Variants in EPB41L4B observed in about 807,000 individuals in gnomAD.
EPB41L4B encodes the protein erythrocyte membrane protein band 4.1 like 4B.
A neutral mutation model predicts 112.5 loss-of-function variants in EPB41L4B; 30 were observed. The ratio of observed to expected loss-of-function variants is 0.27; its 90% confidence interval spans 0.20 to 0.36. The LOEUF (loss-of-function observed/expected upper bound fraction) is 0.36, where lower values mean the gene tolerates loss of function less well. Among genes scored for constraint, EPB41L4B ranks in the 10% least tolerant of loss-of-function variants. The pLI, the probability that EPB41L4B is intolerant of heterozygous loss-of-function variation, is 1.00. For synonymous variants in EPB41L4B, 408 were observed against 439.7 expected (o/e 0.93, Z 0.90); for missense variants, 1,024 against 1,133.3 (o/e 0.90, Z 1.38).
intron 15 of EPB41L4B, among the ~76,000 whole-genome samples, chr9:109,236,909 T>C (rs1439269958): frequency 6.6e-6 from 1 of 152,192 alleles, no homozygotes; most frequent in Non-Finnish European, 1.5e-5. Context: ...TGTAGGGTAT[T>C]TTCCTGGTAC....
chr9:109,319,025 C>A (rs993917791), intron 1 of EPB41L4B, among the ~76,000 whole-genome samples: 1 of 152,288 alleles, frequency 6.6e-6, no homozygotes, highest in South Asian at 2.1e-4. Context: ...CTTGGAAGTC[C>A]GGGTATGTTA....
chr9:109,238,240 A>G (rs1410786566), intron 15 of EPB41L4B, among the ~76,000 whole-genome samples: 2 of 152,134 alleles, frequency 1.3e-5, no homozygotes, highest in African/African-American at 2.4e-5. Context: ...GGGGTTTCCA[A>G]TGTCACGTGG....
At chr9:109,251,248 A>G (rs182215143) in intron 13 of EPB41L4B, among the ~76,000 whole-genome samples, 1 of 152,226 alleles carries the variant, frequency 6.6e-6, no homozygotes, top group African/African-American at 2.4e-5. Flanking sequence ...CAAAGCACAC[A>G]GCTACTCAAA....
At chr9:109,246,573 A>G (rs1482375530) in intron 14 of EPB41L4B, among the ~76,000 whole-genome samples, 2 of 152,242 alleles carry the variant, frequency 1.3e-5, no homozygotes, top group African/African-American at 4.8e-5. Context: ...CAATTATGCA[A>G]TTCCCTGTGA....
At chr9:109,198,993 C>G (rs1466202808) in intron 20 of EPB41L4B, among the ~76,000 whole-genome samples, 1 of 151,920 alleles carries the variant, frequency 6.6e-6, no homozygotes, top group Admixed American at 6.6e-5. Context: ...ACTCACCACC[C>G]TGATTACAGC....
intron 11 of EPB41L4B, 136 bp from the exon 12 acceptor site, chr9:109,253,686 C>T (rs2119017644): frequency 1.1e-5 from 7 of 653,998 alleles, no homozygotes; most frequent in Non-Finnish European, 1.9e-5. Flanking sequence ...GGTAAAGAAA[C>T]ACAAAGTTTA....
intron 19 of EPB41L4B, among the ~76,000 whole-genome samples, chr9:109,203,103 G>A (rs1236303393): frequency 3.9e-5 from 6 of 152,202 alleles, no homozygotes; most frequent in African/African-American, 1.2e-4. Flanking sequence ...GCAGTGAGCC[G>A]AGATCGCACC....
intron 2 of EPB41L4B, 58 bp from the exon 3 acceptor site, chr9:109,268,491 C>G: frequency 6.8e-7 from 1 of 1,470,582 alleles, no homozygotes; most frequent in Non-Finnish European, 9.3e-7. Context: ...TTATTCAGCC[C>G]TCACAGTTAC....
intron 2 of EPB41L4B, among the ~76,000 whole-genome samples, chr9:109,276,431 G>C (rs2119120509): frequency 6.6e-6 from 1 of 152,294 alleles, no homozygotes; most frequent in East Asian, 1.9e-4. Context: ...ATAAGACCCA[G>C]ACTGTAAGGA....
chr9:109,213,552 G>A, intron 17 of EPB41L4B, 148 bp downstream of exon 17: 1 of 664,344 alleles, frequency 1.5e-6, no homozygotes. Flanking sequence ...GCTCCTAAAA[G>A]ACAGCCTGAA....
intron 2 of EPB41L4B, among the ~76,000 whole-genome samples, chr9:109,268,691 G>T (rs1287456776): frequency 6.6e-6 from 1 of 152,002 alleles, no homozygotes; most frequent in Non-Finnish European, 1.5e-5. Flanking sequence ...GAGGTCAGGA[G>T]ATCGAGACCA....
chr9:109,192,324 AG>A lies in EPB41L4B; in HGVS notation c.2254del (p.Leu752TrpfsTer7). 1 of 1,612,578 alleles carries A rather than the reference AG, an allele frequency of 6.2e-7. No homozygotes were observed. Among genetic ancestry groups the A allele is most frequent in the Non-Finnish European group, 8.5e-7 (1 of 1,179,296 alleles). ...ATCCATCAGAAGATCACCCGGCTCC[AG>A]GGTAAAGGCACCTCCTCGGTCAGAG... ...SPSDRGGAFT[L>X]EPGDLLMDFT... is the part of the protein sequence containing the mutation. On this transcript the variant is annotated frameshift_variant, in exon 22 of 26. Coordinates refer to ENST00000374566, the MANE Select transcript of EPB41L4B (RefSeq NM_019114.5). LOFTEE classifies it high-confidence loss of function.
In EPB41L4B at chr9:109,255,737, T is replaced by C. The variant is rs755327785; in HGVS notation, c.999+37A>G. On this transcript the variant is annotated intron_variant, in intron 10 of 25. Transcript: ENST00000374566. The stretch of plus-strand genomic sequence containing the variant: ...GCGTTTGCAACCCCAACACAGGATT[T>C]TCACAGCAAGGGGGAAGAAATGGGA... The C allele has an allele frequency of 3.7e-6, 6 of 1,611,868 alleles. No individual in the cohort carries two copies. The South Asian group carries it at 5.5e-5, about 15-fold the overall frequency.
chr9:109,281,431 A>G (rs571337227), intron 1 of EPB41L4B, among the ~76,000 whole-genome samples: 140 of 152,330 alleles, frequency 9.2e-4, no homozygotes, highest in African/African-American at 3.3e-3. Flanking sequence ...GGCCGGGCAC[A>G]GTGGCTCATG....
At chr9:109,233,965 T>C (rs1390272432) in intron 15 of EPB41L4B, among the ~76,000 whole-genome samples, 1 of 152,198 alleles carries the variant, frequency 6.6e-6, no homozygotes, top group Non-Finnish European at 1.5e-5. Context: ...GGAGCATGAC[T>C]CAAGAATAGG....
intron 1 of EPB41L4B, among the ~76,000 whole-genome samples, chr9:109,295,678 T>C (rs960561865): frequency 1.3e-5 from 2 of 152,122 alleles, no homozygotes; most frequent in South Asian, 4.1e-4. Context: ...GCGACTGTAT[T>C]ATGGACATTA....
Position 109,255,862 on chromosome 9 carries a change from T to C in EPB41L4B, c.930-19A>G. 1 of 1,607,894 alleles carries C rather than the reference T, an allele frequency of 6.2e-7. No individual in the cohort carries two copies. Among genetic ancestry groups the C allele is most frequent in the Non-Finnish European group, 8.5e-7 (1 of 1,177,318 alleles). ...TTTAGGCCTAGTCAGACAGAAAGCA[T>C]TTTAAAAGCACAATCTGCAGTAAAA... On this transcript the variant is annotated intron_variant, in intron 9 of 25. Transcript: ENST00000374566.
rs922515911 is a variant in EPB41L4B at position 109,242,863 on chromosome 9, A to C, written c.1409+755T>G. On this transcript the variant is annotated intron_variant, in intron 15 of 25. Coordinates refer to ENST00000374566, the MANE Select transcript of EPB41L4B (RefSeq NM_019114.5). ...AGCTAGCCTTAAAAAAAAAAAAAAA[A>C]AAACAAAAAACCTGTCAAGCCTAAC... Among the ~76,000 whole-genome samples, 11 of 151,910 alleles carry C rather than the reference A, an allele frequency of 7.2e-5. No individual in the cohort carries two copies. In the South Asian group the frequency reaches 1.5e-3, roughly 20 times the overall value.
At chr9:109,216,794 T>C in intron 16 of EPB41L4B, 128 bp downstream of exon 16, 1 of 959,558 alleles carries the variant, frequency 1.0e-6, no homozygotes, top group Non-Finnish European at 1.6e-6. Context: ...CCAAACCCGG[T>C]AGCCCAGCAT....
Sources: gnomAD v4.1 joint callset for allele counts (sites outside exome capture counted in the v4.1 genomes callset) on GRCh38, gnomAD v4.1.1 for gene constraint, MANE v1.5 for transcripts, NCBI Gene and HGNC (gene_info 2026-07-23, HGNC 2026-07-21) for gene names.